KCNN2: variants seen among roughly 807,000 people sequenced by gnomAD.
KCNN2 encodes small conductance calcium-activated potassium channel protein 2.
KCNN2 carries 24 observed loss-of-function variants against 55.5 expected under a neutral mutation model. That is an observed-to-expected ratio of 0.43 (90% CI 0.31 to 0.61). The LOEUF (loss-of-function observed/expected upper bound fraction) is 0.61. KCNN2 is among the 20% of genes least tolerant of loss of function. The pLI is 0.08. For synonymous variants in KCNN2, 431 were observed against 336.1 expected (o/e 1.28, Z -3.09); for missense variants, 754 against 853.6 (o/e 0.88, Z 1.45).
chr5:114,396,826 T>G (rs1758635050), intron 2 of KCNN2, among the ~76,000 whole-genome samples: 1 of 152,164 alleles, frequency 6.6e-6, no homozygotes, highest in African/African-American at 2.4e-5. Context: ...GTTACAGGCG[T>G]GAGCCACCAC....
chr5:114,085,053 C>CATAT (rs57320559), intron 1 of KCNN2, among the ~76,000 whole-genome samples: 5,779 of 149,880 alleles, frequency 0.039, 147 homozygotes, highest in Middle Eastern at 0.089. Context: ...TATATAGAGA[C>CATAT]ATATATATAT....
chr5:114,473,153 C>T lies in KCNN2; in HGVS notation c.1879C>T (p.Leu627=). The T allele has an allele frequency of 6.3e-7, 1 of 1,590,116 alleles. No homozygotes were observed. Among genetic ancestry groups the T allele is most frequent in the Non-Finnish European group, 8.6e-7 (1 of 1,159,964 alleles). The part of the protein sequence containing the change: ...HVHNFMMDTQ[L]TKRVKNAAAN... ...GCACAATTTCATGATGGATACTCAG[C>T]TGACTAAAAGAGTAAGTTACTATCC... Residue 627 remains leucine, a synonymous_variant, in exon 5 of 8, where the codon CTG becomes TTG. Transcript: ENST00000673685.
At chr5:114,476,250 A>G (rs11741945) in intron 5 of KCNN2, among the ~76,000 whole-genome samples, 56,990 of 145,674 alleles carry the variant, frequency 0.39, 12,370 homozygotes, top group Middle Eastern at 0.5. Flanking sequence ...ACAATGATAG[A>G]CTGGATTAAG....
At chr5:114,395,047 T>G (rs1333776824) in intron 2 of KCNN2, among the ~76,000 whole-genome samples, 2 of 152,206 alleles carry the variant, frequency 1.3e-5, no homozygotes, top group Non-Finnish European at 2.9e-5. Context: ...TGGATTATTT[T>G]CTAGAAGGTA....
intron 1 of KCNN2, among the ~76,000 whole-genome samples, chr5:114,096,920 A>G (rs1751269174): frequency 6.6e-6 from 1 of 152,170 alleles, no homozygotes; most frequent in Non-Finnish European, 1.5e-5. Flanking sequence ...CCATTACTCC[A>G]GTGGAGCAAG....
intron 1 of KCNN2, among the ~76,000 whole-genome samples, chr5:114,155,272 T>A (rs1021038616): frequency 1.3e-5 from 2 of 152,234 alleles, no homozygotes; most frequent in African/African-American, 4.8e-5. Flanking sequence ...CCACATTTTC[T>A]TTATCCAGTC....
chr5:114,165,574 T>C (rs950875459), intron 1 of KCNN2, among the ~76,000 whole-genome samples: 24 of 152,184 alleles, frequency 1.6e-4, no homozygotes, highest in Non-Finnish European at 2.4e-4. Flanking sequence ...TACTTCTCTC[T>C]GTAAGATATT....
chr5:114,273,859 C>T (rs961372627), intron 2 of KCNN2, among the ~76,000 whole-genome samples: 7 of 152,154 alleles, frequency 4.6e-5, no homozygotes, highest in Admixed American at 2.6e-4. Flanking sequence ...TTAATTAGAT[C>T]CCATTTGTCA....
intron 4 of KCNN2, among the ~76,000 whole-genome samples, chr5:114,469,154 G>C (rs1761594592): frequency 6.6e-6 from 1 of 152,254 alleles, no homozygotes; most frequent in East Asian, 1.9e-4. Flanking sequence ...GTAACTAATT[G>C]TCATTTGTCT....
chr5:114,372,222 G>A (rs1757781273), intron 2 of KCNN2, among the ~76,000 whole-genome samples: 1 of 152,136 alleles, frequency 6.6e-6, no homozygotes, highest in Admixed American at 6.6e-5. Context: ...GATACCTGTC[G>A]TTGACACATT....
chr5:114,398,441 A>G (rs1037713058), intron 2 of KCNN2, among the ~76,000 whole-genome samples: 2 of 148,744 alleles, frequency 1.3e-5, no homozygotes, highest in Admixed American at 6.7e-5. Flanking sequence ...GTAGCCTTGT[A>G]GTATAGTTTG....
intron 1 of KCNN2, among the ~76,000 whole-genome samples, chr5:114,096,836 C>T (rs534281033): frequency 6.6e-6 from 1 of 152,308 alleles, no homozygotes; most frequent in Non-Finnish European, 1.5e-5. Context: ...ACAGAGTATT[C>T]ATCTGTAATC....
intron 3 of KCNN2, among the ~76,000 whole-genome samples, chr5:114,426,521 G>A (rs1759630023): frequency 6.6e-6 from 1 of 152,154 alleles, no homozygotes; most frequent in Admixed American, 6.5e-5. Flanking sequence ...ATTAAATGAA[G>A]TGTTCCTTCC....
At chr5:114,280,939 T>C (rs1161857799) in intron 2 of KCNN2, among the ~76,000 whole-genome samples, 9 of 152,140 alleles carry the variant, frequency 5.9e-5, no homozygotes, top group Admixed American at 5.9e-4. Context: ...CTGACCTTTT[T>C]CTTTTTCCTT....
intron 1 of KCNN2, among the ~76,000 whole-genome samples, chr5:114,166,501 T>C (rs10039340): frequency 0.03 from 4,574 of 152,242 alleles, 240 homozygotes; most frequent in African/African-American, 0.1. Flanking sequence ...TACTAACTGG[T>C]AAAACAATGT....
intron 1 of KCNN2, among the ~76,000 whole-genome samples, chr5:114,216,510 TTA>T (rs1754004085): frequency 6.6e-6 from 1 of 152,164 alleles, no homozygotes; most frequent in African/African-American, 2.4e-5. Flanking sequence ...AAAGGTAAAT[TTA>T]TGAGCTTCAC....
intron 3 of KCNN2, among the ~76,000 whole-genome samples, chr5:114,459,011 G>A (rs935289566): frequency 3.9e-5 from 6 of 152,214 alleles, no homozygotes; most frequent in Non-Finnish European, 7.3e-5. Context: ...CTGATTCCTT[G>A]GGAAAGATAA....
At chr5:114,308,231 AG>A (rs1756326941) in intron 2 of KCNN2, among the ~76,000 whole-genome samples, 1 of 152,150 alleles carries the variant, frequency 6.6e-6, no homozygotes, top group South Asian at 2.1e-4. Context: ...TTTGACTGGT[AG>A]GGGATCTAGC....
At chr5:114,401,615 C>A (rs1580793343) in intron 2 of KCNN2, among the ~76,000 whole-genome samples, 1 of 152,140 alleles carries the variant, frequency 6.6e-6, no homozygotes, top group East Asian at 1.9e-4. Flanking sequence ...ATATGAGGAT[C>A]ATGGTGGAAC....
Sources: gnomAD v4.1 joint callset for allele counts (sites outside exome capture counted in the v4.1 genomes callset) on GRCh38, gnomAD v4.1.1 for gene constraint, MANE v1.5 for transcripts, NCBI Gene and HGNC (gene_info 2026-07-23, HGNC 2026-07-21) for gene names.